CUX1: variants seen among roughly 807,000 people sequenced by gnomAD.
CUX1 encodes cut like homeobox 1.
Under a neutral mutation model 158.8 loss-of-function variants are expected in CUX1, and 31 were observed. The ratio of observed to expected loss-of-function variants is 0.20; its 90% CI spans 0.15 to 0.26. CUX1 has a LOEUF of 0.26. Among genes scored for constraint, CUX1 ranks in the 10% least tolerant of loss-of-function variants. The pLI is 1.00. For missense variants in CUX1, 1,589 were observed against 2,014.6 expected (o/e 0.79, Z 4.04); for synonymous variants, 879 against 862.1 (o/e 1.02, Z -0.34).
At chr7:102,056,653 C>A (rs1022064407) in intron 3 of CUX1, among the ~76,000 whole-genome samples, 3 of 152,190 alleles carry the variant, frequency 2.0e-5, no homozygotes, top group Admixed American at 6.5e-5. Context: ...ACACTGCAAC[C>A]TCTGCTTCCC....
At position 101,925,112 on chromosome 7, in the gene CUX1, A is replaced by G. The variant is rs529994638; in HGVS notation, c.141+8887A>G. Among the ~76,000 whole-genome samples, 4 of 152,176 alleles carry G rather than the reference A, an allele frequency of 2.6e-5. No homozygotes were observed. In the South Asian group the frequency reaches 6.2e-4, roughly 24 times the overall value. On this transcript the variant is annotated intron_variant, in intron 2 of 23. Coordinates refer to ENST00000292535, the MANE Select transcript of CUX1 (RefSeq NM_181552.4). ...AGGCCCACAGCCCTGATGTGACACA[A>G]TGGGGCCTTTTTTTGAGCTAGAATT...
chr7:102,105,111 T>G (rs1554488009), intron 6 of CUX1, among the ~76,000 whole-genome samples: 4 of 152,026 alleles, frequency 2.6e-5, no homozygotes. Flanking sequence ...GTGTGTCCTC[T>G]GGGGACAAGC....
chr7:102,164,890 T>G (rs2131624733), intron 9 of CUX1, among the ~76,000 whole-genome samples: 1 of 151,950 alleles, frequency 6.6e-6, no homozygotes, highest in East Asian at 1.9e-4. Context: ...AGACAAAACC[T>G]GGGGCCAAGA....
intron 2 of CUX1, among the ~76,000 whole-genome samples, chr7:101,989,622 T>C (rs1156275077): frequency 6.6e-6 from 1 of 152,186 alleles, no homozygotes; most frequent in African/African-American, 2.4e-5. Context: ...TGTCATTGGA[T>C]GGAAGCTGAG....
At chr7:102,171,445 T>C (rs1791707351) in intron 10 of CUX1, among the ~76,000 whole-genome samples, 1 of 151,206 alleles carries the variant, frequency 6.6e-6, no homozygotes, top group Non-Finnish European at 1.5e-5. Context: ...TTGGGTTTTT[T>C]TTTTTTTTCT....
At chr7:102,030,691 G>GTTTTTTTTTTTTTGTTTTTTTTTTT (rs71119801) in intron 3 of CUX1, among the ~76,000 whole-genome samples, 2 of 119,384 alleles carry the variant, frequency 1.7e-5, no homozygotes, top group African/African-American at 6.2e-5. Context: ...TTTAAAAAGT[G>GTTTTTTTTTTTTTGTTTTTTTTTTT]TTTTTTTTTT....
intron 2 of CUX1, among the ~76,000 whole-genome samples, chr7:101,920,659 A>T (rs1431599821): frequency 6.6e-6 from 1 of 152,216 alleles, no homozygotes; most frequent in East Asian, 1.9e-4. Context: ...TTTAATCCAG[A>T]AATTGTAGTT....
chr7:102,065,919 T>C (rs1825504139), intron 3 of CUX1, among the ~76,000 whole-genome samples: 1 of 151,484 alleles, frequency 6.6e-6, no homozygotes, highest in South Asian at 2.1e-4. Flanking sequence ...GCCTCCTGAG[T>C]AGCTGGCATT....
intron 2 of CUX1, among the ~76,000 whole-genome samples, chr7:102,003,769 C>T (rs1429538406): frequency 1.3e-5 from 2 of 152,222 alleles, no homozygotes; most frequent in Non-Finnish European, 2.9e-5. Context: ...ATGGAACTTA[C>T]ATTGCAACCC....
intron 3 of CUX1, among the ~76,000 whole-genome samples, chr7:102,033,414 T>C (rs538229434): frequency 6.6e-6 from 1 of 152,182 alleles, no homozygotes; most frequent in East Asian, 1.9e-4. Context: ...GAGAGAAACA[T>C]TGCAAAAGTC....
chr7:102,252,483 A>G lies in CUX1; in HGVS notation c.*3441A>G, dbSNP rs1362157747. On this transcript the variant is annotated 3_prime_UTR_variant, in exon 24 of 24. Transcript: ENST00000292535. ...ATATAAAACACTAACACTTAATTACAAGCTCCATTATGCCATTTTAAATGG... is the reference window on the plus strand; with the variant it reads ...ATATAAAACACTAACACTTAATTACGAGCTCCATTATGCCATTTTAAATGG... 1.0e-6 allele frequency: 1 copy of G among 985,334 alleles called. No homozygotes were observed. The highest frequency in any genetic ancestry group is 1.7e-5 in the African/African-American group (1 of 57,244). The allele number at this position is 985,334 out of a possible 1,614,324, so 61.0% of individuals were successfully genotyped here. A position where few individuals can be genotyped will look rare whatever the true frequency, so the allele number is the denominator to read the frequency against.
chr7:102,229,775 G>A (rs543457452), intron 21 of CUX1, among the ~76,000 whole-genome samples: 16 of 151,814 alleles, frequency 1.1e-4, no homozygotes, highest in Admixed American at 2.0e-4. Context: ...CCACCACCAC[G>A]CCTGGCTAAT....
At position 102,145,722 on chromosome 7, in the gene CUX1, G is replaced by A. The variant is rs537641621; in HGVS notation, c.675-12838G>A. The stretch of plus-strand genomic sequence containing the variant: ...AACACTTTGGGAGGCCGAGGTGGGT[G>A]GATCATCTGAGGTCAGGAGTTCAAG... On this transcript the variant is annotated intron_variant, in intron 8 of 23. Transcript: ENST00000292535. 1.2e-4 allele frequency among the ~76,000 whole-genome samples: 19 copies of A among 152,208 alleles called. No homozygotes were observed. The South Asian group carries it at 3.5e-3, about 28-fold the overall frequency.
intron 8 of CUX1, among the ~76,000 whole-genome samples, chr7:102,146,421 G>A (rs1402562122): frequency 6.6e-6 from 1 of 152,114 alleles, no homozygotes; most frequent in Non-Finnish European, 1.5e-5. Context: ...TGCCGTAGAA[G>A]GTCATTTCGT....
intron 14 of CUX1, among the ~76,000 whole-genome samples, chr7:102,271,572 C>T (rs1791213798): frequency 6.6e-6 from 1 of 152,210 alleles, no homozygotes; most frequent in African/African-American, 2.4e-5. Flanking sequence ...CCTTAAAGTC[C>T]CTGCAGGTGG....
At chr7:102,211,674 G>A (rs1178870042) in intron 20 of CUX1, among the ~76,000 whole-genome samples, 1 of 151,846 alleles carries the variant, frequency 6.6e-6, no homozygotes, top group Non-Finnish European at 1.5e-5. Context: ...CAGCTCCTTG[G>A]GAGGCTGAGG....
chr7:102,255,401 C>CA lies in CUX1; in HGVS notation c.*6369dup, dbSNP rs369833653. ...GAAAAATCCCAAAAAAAAAAAAAGA[C>CA]AAAAAAAAAAGGCTGGCGAGAGAAA... is the stretch of plus-strand genomic sequence containing the variant. On this transcript the variant is annotated 3_prime_UTR_variant, in exon 24 of 24. Transcript: ENST00000292535. 5.5e-4 allele frequency: 490 copies of CA among 890,442 alleles called. 2 individuals carry two copies. In the East Asian group the frequency reaches 0.013, roughly 24 times the overall value. The allele number at this position is 890,442 out of a possible 1,614,324, so 55.2% of individuals were successfully genotyped here.
chr7:102,202,538 A>G (rs1554520114), intron 18 of CUX1, among the ~76,000 whole-genome samples: 1 of 152,106 alleles, frequency 6.6e-6, no homozygotes, highest in African/African-American at 2.4e-5. Context: ...ACTTGCCCCA[A>G]GCTGACCGGC....
rs1286488865 is a variant in CUX1, at chr7:102,195,729, C to T, written c.1222+126C>T. On this transcript the variant is annotated intron_variant, in intron 14 of 23. Coordinates refer to ENST00000292535, the MANE Select transcript of CUX1 (RefSeq NM_181552.4). ...CAGAGAAGCGCCGGTTGACGAGAAC[C>T]TTTGACTAACGCGTGTTGGGTGCCC... The T allele has an allele frequency of 9.9e-6, 8 of 809,930 alleles. No individual in the cohort carries two copies. The African/African-American group carries it at 1.4e-4, about 14-fold the overall frequency. 50.2% of individuals were successfully genotyped at this position (809,930 alleles called of 1,614,324 possible). A position where few individuals can be genotyped will look rare whatever the true frequency, so the allele number is the denominator to read the frequency against.
Sources: gnomAD v4.1 joint callset for allele counts (sites outside exome capture counted in the v4.1 genomes callset) on GRCh38, gnomAD v4.1.1 for gene constraint, MANE v1.5 for transcripts, NCBI Gene and HGNC (gene_info 2026-07-23, HGNC 2026-07-21) for gene names.